SVIL: variants seen among roughly 807,000 people sequenced by gnomAD.
SVIL encodes the protein archvillin.
In SVIL, 101 loss-of-function variants were observed where a neutral mutation model predicts 240.4. The ratio of observed to expected loss-of-function variants is 0.42; its 90% CI spans 0.36 to 0.50. The LOEUF (loss-of-function observed/expected upper bound fraction) is 0.50, where lower values mean the gene tolerates loss of function less well. Among genes scored for constraint, SVIL ranks in the 20% least tolerant of loss-of-function variants. The pLI, the probability that SVIL is intolerant of heterozygous loss-of-function variation, is 0.01. For synonymous variants in SVIL, 999 were observed against 1,100.0 expected (o/e 0.91, Z 1.82); for missense variants, 2,512 against 2,818.7 (o/e 0.89, Z 2.46).
At chr10:29,500,292 C>G (rs1378315698) in intron 17 of SVIL, among the ~76,000 whole-genome samples, 1 of 152,120 alleles carries the variant, frequency 6.6e-6, no homozygotes, top group African/African-American at 2.4e-5. Flanking sequence ...TTCAAGCCAT[C>G]CCTCCCTGCA....
At chr10:29,509,378 A>G (rs1460747203) in intron 17 of SVIL, among the ~76,000 whole-genome samples, 1 of 144,672 alleles carries the variant, frequency 6.9e-6, no homozygotes, top group East Asian at 2.0e-4. Flanking sequence ...AGAGAGAGAG[A>G]GAATACCCAA....
intron 17 of SVIL, among the ~76,000 whole-genome samples, chr10:29,501,641 C>T (rs1359134178): frequency 1.3e-5 from 2 of 152,138 alleles, no homozygotes; most frequent in Non-Finnish European, 1.5e-5. Context: ...TCGTGATCGG[C>T]GAGAAGCCCC....
intron 2 of SVIL, chr10:29,658,105 A>T (rs1171059569): frequency 2.0e-5 from 3 of 152,232 alleles, no homozygotes; most frequent in African/African-American, 7.2e-5. Flanking sequence ...AAAATCTGAG[A>T]AAGAAAATAG....
chr10:29,554,964 A>T, intron 4 of SVIL, 30 bp from the exon 5 acceptor site: 1 of 1,609,840 alleles, frequency 6.2e-7, no homozygotes, highest in Non-Finnish European at 8.5e-7. Context: ...AGGCAGAGTG[A>T]GCAACAGCGA....
intron 9 of SVIL, 97 bp downstream of exon 9, chr10:29,531,905 A>G: frequency 7.3e-7 from 1 of 1,366,292 alleles, no homozygotes. Context: ...GGAATCGCCA[A>G]CATCCTATAT....
intron 17 of SVIL, among the ~76,000 whole-genome samples, chr10:29,506,550 G>A (rs1201648746): frequency 6.6e-6 from 1 of 152,262 alleles, no homozygotes; most frequent in Middle Eastern, 3.4e-3. Flanking sequence ...GGCCCATCGC[G>A]GCACTGTCAG....
chr10:29,509,183 C>T (rs1949596378), intron 17 of SVIL, among the ~76,000 whole-genome samples: 1 of 152,000 alleles, frequency 6.6e-6, no homozygotes, highest in East Asian at 1.9e-4. Context: ...GTCTTTAGAC[C>T]AAGTATATAT....
intron 1 of SVIL, among the ~76,000 whole-genome samples, chr10:29,594,422 G>A (rs1248326993): frequency 6.6e-6 from 1 of 152,148 alleles, no homozygotes; most frequent in Non-Finnish European, 1.5e-5. Flanking sequence ...GACTCTGGGT[G>A]ATAATGATGT....
intron 32 of SVIL, 83 bp downstream of exon 32, chr10:29,470,193 G>A (rs1274986709): frequency 6.7e-7 from 1 of 1,495,476 alleles, no homozygotes. Flanking sequence ...GGGATCTGCT[G>A]GGAGTCTTGG....
At chr10:29,714,948 T>TAAAAAAAAAAAAAAAAAAAAAAAAAA (rs61107910) in intron 1 of SVIL, among the ~76,000 whole-genome samples, 2 of 78,392 alleles carry the variant, frequency 2.6e-5, no homozygotes, top group Non-Finnish European at 5.2e-5. Context: ...TGTCTGAAAT[T>TAAAAAAAAAAAAAAAAAAAAAAAAAA]AAAAAAAAAA....
intron 1 of SVIL, among the ~76,000 whole-genome samples, chr10:29,629,815 G>T (rs1340484540): frequency 6.8e-6 from 1 of 147,386 alleles, no homozygotes; most frequent in Non-Finnish European, 1.5e-5. Context: ...CCTGCCTCTA[G>T]AATTTTTTTT....
intron 2 of SVIL, among the ~76,000 whole-genome samples, chr10:29,660,949 A>G (rs975390021): frequency 6.6e-6 from 1 of 152,074 alleles, no homozygotes; most frequent in African/African-American, 2.4e-5. Context: ...TGGGAGGATC[A>G]TGAGGTCAAG....
chr10:29,626,348 C>T lies in SVIL; in HGVS notation c.-201+8072G>A, dbSNP rs2182946. ...CGCTCAGGGTACTTTAGTACCATTC[C>T]ATTGGAACTTAAACGCTACGAGGGC... On this transcript the variant is annotated intron_variant, in intron 1 of 37. Transcript: ENST00000355867. Among the ~76,000 whole-genome samples the T allele has an allele frequency of 8.5e-3, 1,294 of 152,236 alleles. 23 individuals carry two copies. Among genetic ancestry groups the T allele is most frequent in the African/African-American group, 0.029 (1,218 of 41,538 alleles).
intron 12 of SVIL, among the ~76,000 whole-genome samples, chr10:29,529,398 G>T (rs1951191835): frequency 1.3e-5 from 2 of 150,754 alleles, no homozygotes; most frequent in South Asian, 4.2e-4. Context: ...GGAAGCTGGG[G>T]TTTCATCACA....
At chr10:29,471,595 T>C (rs944288303) in intron 30 of SVIL, among the ~76,000 whole-genome samples, 9 of 152,230 alleles carry the variant, frequency 5.9e-5, no homozygotes, top group African/African-American at 2.2e-4. Context: ...AAGACTGATA[T>C]AAATACATTC....
In SVIL at chr10:29,524,708, C is replaced by T. The variant is rs759285547; in HGVS notation, c.2350G>A (p.Ala784Thr). ...RSAVQPARLQASAHQKALAKD... is the reference protein window; with the variant it reads ...RSAVQPARLQTSAHQKALAKD... The stretch of plus-strand genomic sequence containing the variant: ...GCTAAGGCCTTTTGGTGAGCAGAGG[C>T]CTGCAATCTGAAAAAAATAAAATGT... The change falls in exon 14 of 38, where the codon GCC becomes ACC. Residue 784 changes from alanine to threonine, a missense_variant. Physicochemically the swap from Ala to Thr is moderately conservative, Grantham distance 58. Transcript: ENST00000355867. 4 of 1,613,138 alleles carry T rather than the reference C, an allele frequency of 2.5e-6. No individual in the cohort carries two copies. Among genetic ancestry groups the T allele is most frequent in the Admixed American group, 1.7e-5 (1 of 59,866 alleles).
At chr10:29,615,587 C>A (rs193123801) in intron 1 of SVIL, among the ~76,000 whole-genome samples, 16 of 152,354 alleles carry the variant, frequency 1.1e-4, no homozygotes, top group Non-Finnish European at 1.8e-4. Context: ...AGAAGTGTCA[C>A]AAAGCAAATT....
rs550911652 is a variant in SVIL, at chr10:29,595,045, C to T, written c.-200-25733G>A. Among the ~76,000 whole-genome samples the T allele has an allele frequency of 7.7e-4, 118 of 152,304 alleles. 1 individual carries two copies. Among genetic ancestry groups the T allele is most frequent in the Non-Finnish European group, 1.4e-3 (98 of 68,024 alleles). On this transcript the variant is annotated intron_variant, in intron 1 of 37. Coordinates refer to ENST00000355867, the MANE Select transcript of SVIL (RefSeq NM_021738.3). ...CTGTTACACTCCTGTTTCCTCTCCT[C>T]GGTTAGGCCTTCACCACTCTACATC...
rs907336383 is a variant in SVIL at position 29,735,418 on chromosome 10, C to G, written c.-400+333G>C. On this transcript the variant is annotated intron_variant, in intron 1 of 35. Coordinates refer to the SVIL transcript ENST00000375400. This position sits in a 1 kb window ranked among gnomAD's most constrained non-coding sequence, Gnocchi z 4.1. The stretch of plus-strand genomic sequence containing the variant: ...CAGCCGCGCTAACTTCCCGAAACTC[C>G]GCGGAGAGAAACCCTGCCCCGGCCC... 6.6e-6 allele frequency among the ~76,000 whole-genome samples: 1 copy of G among 152,026 alleles called. No homozygotes were observed.
Sources: gnomAD v4.1 joint callset for allele counts (sites outside exome capture counted in the v4.1 genomes callset) on GRCh38, gnomAD v4.1.1 for gene constraint, Gnocchi (gnomAD v3.1) non-coding constraint, MANE v1.5 for transcripts, NCBI Gene and HGNC (gene_info 2026-07-23, HGNC 2026-07-21) for gene names.